The following PHACTR1 variants were observed in gnomAD, a reference collection of about 807,000 sequenced individuals.
PHACTR1 encodes RPEL repeat containing 1.
A neutral mutation model predicts 69.2 loss-of-function variants in PHACTR1; 16 were observed. The ratio of observed to expected loss-of-function variants is 0.23; its 90% CI spans 0.16 to 0.35. The LOEUF is 0.35. PHACTR1 is among the 10% of genes least tolerant of loss of function. The pLI is 1.00. For missense variants in PHACTR1, 510 were observed against 734.7 expected, an observed-to-expected ratio of 0.69 and a Z score of 3.54; for synonymous variants, 312 against 284.5, an observed-to-expected ratio of 1.10 and a Z score of -0.97.
intron 4 of PHACTR1, among the ~76,000 whole-genome samples, chr6:12,885,160 C>T (rs908742993): frequency 5.9e-5 from 9 of 152,180 alleles, no homozygotes; most frequent in Non-Finnish European, 1.2e-4. Flanking sequence ...CACATCCCTG[C>T]GGAATGCAGG....
At chr6:12,790,361 A>G (rs1209645521) in intron 4 of PHACTR1, among the ~76,000 whole-genome samples, 1 of 152,108 alleles carries the variant, frequency 6.6e-6, no homozygotes, top group Non-Finnish European at 1.5e-5. Context: ...GGTGCCTTAG[A>G]GGCTTTTCAC....
chr6:12,756,864 C>G (rs1016298901), intron 4 of PHACTR1, among the ~76,000 whole-genome samples: 1 of 152,162 alleles, frequency 6.6e-6, no homozygotes, highest in Non-Finnish European at 1.5e-5. Flanking sequence ...ATGGTTTAAT[C>G]AGAGGTACAG....
At chr6:13,028,584 G>A (rs1434234787) in intron 4 of PHACTR1, among the ~76,000 whole-genome samples, 1 of 152,168 alleles carries the variant, frequency 6.6e-6, no homozygotes, top group Non-Finnish European at 1.5e-5. Context: ...CGTTTTTCAG[G>A]CTGAGGACTG....
intron 10 of PHACTR1, among the ~76,000 whole-genome samples, chr6:13,231,065 A>AG (rs1770879179): frequency 7.5e-4 from 1 of 1,338 alleles, no homozygotes; most frequent in South Asian, 0.028. Context: ...GGAAGGAAGG[A>AG]AGGAAGGAAG....
chr6:12,900,753 G>C (rs572088822), intron 4 of PHACTR1, among the ~76,000 whole-genome samples: 27 of 152,274 alleles, frequency 1.8e-4, no homozygotes, highest in African/African-American at 6.3e-4. Context: ...TGCCTGACTT[G>C]TATATGAATT....
intron 3 of PHACTR1, among the ~76,000 whole-genome samples, chr6:12,744,723 C>G (rs1765549204): frequency 1.3e-5 from 2 of 151,834 alleles, no homozygotes; most frequent in Non-Finnish European, 2.9e-5. Context: ...GGCAGAGCAG[C>G]AAAAAAATGA....
At chr6:12,998,537 A>G (rs1371970564) in intron 4 of PHACTR1, among the ~76,000 whole-genome samples, 1 of 148,958 alleles carries the variant, frequency 6.7e-6, no homozygotes, top group African/African-American at 2.5e-5. Flanking sequence ...GGTTGTCTGA[A>G]CCCTGGAGTT....
At chr6:13,068,465 C>A (rs1409147930) in intron 5 of PHACTR1, among the ~76,000 whole-genome samples, 1 of 152,144 alleles carries the variant, frequency 6.6e-6, no homozygotes, top group Non-Finnish European at 1.5e-5. Flanking sequence ...TTGAAAAACA[C>A]AACAGACATC....
chr6:13,114,898 T>C (rs1049390422), intron 5 of PHACTR1, among the ~76,000 whole-genome samples: 2 of 152,218 alleles, frequency 1.3e-5, no homozygotes, highest in South Asian at 4.1e-4. Context: ...GAGCACTTAC[T>C]ATATCCCAGA....
chr6:12,991,005 G>A (rs1796760619), intron 4 of PHACTR1, among the ~76,000 whole-genome samples: 1 of 152,168 alleles, frequency 6.6e-6, no homozygotes, highest in Non-Finnish European at 1.5e-5. Flanking sequence ...CAGGATAGCA[G>A]GGCGAGGCAG....
At chr6:13,043,566 T>C (rs1167162449) in intron 4 of PHACTR1, among the ~76,000 whole-genome samples, 2 of 152,240 alleles carry the variant, frequency 1.3e-5, no homozygotes, top group Non-Finnish European at 2.9e-5. Context: ...AATACAGACA[T>C]GCCCATTTGG....
intron 4 of PHACTR1, among the ~76,000 whole-genome samples, chr6:12,903,126 A>G (rs949406462): frequency 4.6e-5 from 7 of 152,234 alleles, no homozygotes; most frequent in African/African-American, 1.7e-4. Context: ...CAGCTCTGCC[A>G]TGCATTACCT....
chr6:12,830,755 A>AT (rs1241318505), intron 4 of PHACTR1, among the ~76,000 whole-genome samples: 8 of 150,572 alleles, frequency 5.3e-5, no homozygotes, highest in African/African-American at 7.3e-5. Context: ...TGCCCAGCTC[A>AT]TTTTTTTTGT....
intron 5 of PHACTR1, among the ~76,000 whole-genome samples, chr6:13,079,139 G>A (rs937225737): frequency 6.6e-6 from 1 of 152,132 alleles, no homozygotes; most frequent in Non-Finnish European, 1.5e-5. Flanking sequence ...TGCCCAAGCA[G>A]GATCAGAGAA....
In PHACTR1 at chr6:13,287,160, C is replaced by A; in HGVS notation, c.*82C>A. ...ATAAGTGCTGGTATTTATTCACTTC[C>A]CCATTACGATGTAAATCTTCTGAAC... On this transcript the variant is annotated 3_prime_UTR_variant, in exon 15 of 15. Coordinates refer to ENST00000332995, the MANE Select transcript of PHACTR1 (RefSeq NM_030948.6). 7.7e-7 allele frequency: 1 copy of A among 1,299,740 alleles called. No homozygotes were observed. Among genetic ancestry groups the A allele is most frequent in the Admixed American group, 2.3e-5 (1 of 43,846 alleles). The allele number at this position is 1,299,740 out of a possible 1,614,324, so 80.5% of individuals were successfully genotyped here. A position where few individuals can be genotyped will look rare whatever the true frequency, so the allele number is the denominator to read the frequency against.
intron 4 of PHACTR1, among the ~76,000 whole-genome samples, chr6:13,015,475 A>T (rs115484227): frequency 6.6e-6 from 1 of 152,228 alleles, no homozygotes; most frequent in Non-Finnish European, 1.5e-5. Context: ...CCTATGGAAT[A>T]CAAATGGATT....
chr6:12,977,322 G>A lies in PHACTR1; in HGVS notation c.251-76043G>A, dbSNP rs1297321839. 2.6e-5 allele frequency among the ~76,000 whole-genome samples: 4 copies of A among 151,990 alleles called. No homozygotes were observed. In the East Asian group the frequency reaches 5.8e-4, roughly 22 times the overall value. On this transcript the variant is annotated intron_variant, in intron 4 of 14. Transcript: ENST00000332995. The stretch of plus-strand genomic sequence containing the variant: ...TACCTCCCTGCAGATAAGGAGGGAC[G>A]GCTATATATTGCTGCTGTTCCTTTT...
At chr6:13,137,842 C>T (rs1251037388) in intron 5 of PHACTR1, among the ~76,000 whole-genome samples, 1 of 152,222 alleles carries the variant, frequency 6.6e-6, no homozygotes, top group African/African-American at 2.4e-5. Context: ...CGGCTTGGGC[C>T]TCCTGGAATA....
chr6:12,797,839 T>G (rs545580664), intron 4 of PHACTR1, among the ~76,000 whole-genome samples: 1 of 152,168 alleles, frequency 6.6e-6, no homozygotes, highest in African/African-American at 2.4e-5. Context: ...GAGTTGGAGT[T>G]GCTTCTTTCT....
Sources: allele counts gnomAD v4.1 joint callset (sites outside exome capture counted in the v4.1 genomes callset), GRCh38; gene constraint gnomAD v4.1.1; transcripts MANE v1.5; gene names NCBI Gene and HGNC (gene_info 2026-07-23, HGNC 2026-07-21).